Variants in DBX2 observed in about 807,000 individuals in gnomAD.
The protein encoded by DBX2 is developing brain homeobox 2, also known as homeobox protein DBX2.
A neutral mutation model predicts 17.7 loss-of-function variants in DBX2; 16 were observed. The ratio of observed to expected loss-of-function variants is 0.90; its 90% CI spans 0.61 to 1.37. The LOEUF (loss-of-function observed/expected upper bound fraction) is 1.37, where lower values mean the gene tolerates loss of function less well. DBX2 is among the 40% of genes most tolerant of loss of function. The pLI, the probability that DBX2 is intolerant of heterozygous loss-of-function variation, is 0.00. For synonymous variants in DBX2, 255 were observed against 183.8 expected (o/e 1.39, Z -3.13); for missense variants, 538 against 433.8 (o/e 1.24, Z -2.13).
intron 1 of DBX2, among the ~76,000 whole-genome samples, chr12:45,047,331 A>G (rs1457310810): frequency 6.6e-6 from 1 of 152,128 alleles, no homozygotes. Flanking sequence ...CTATAATACA[A>G]CCATGACATT....
chr12:45,034,315 T>G (rs1946424136), intron 2 of DBX2, among the ~76,000 whole-genome samples: 1 of 152,168 alleles, frequency 6.6e-6, no homozygotes, highest in South Asian at 2.1e-4. Context: ...ACTGAAGACT[T>G]AATTCCACAG....
At chr12:45,039,319 A>ATATATC (rs1565585253) in intron 1 of DBX2, among the ~76,000 whole-genome samples, 2 of 109,412 alleles carry the variant, frequency 1.8e-5, no homozygotes, top group East Asian at 4.7e-4. Context: ...ATATATATAT[A>ATATATC]TATGTATCAC....
At chr12:45,039,834 C>G (rs1946461818) in intron 1 of DBX2, among the ~76,000 whole-genome samples, 1 of 151,848 alleles carries the variant, frequency 6.6e-6, no homozygotes, top group Admixed American at 6.6e-5. Flanking sequence ...TCAGTAAGAG[C>G]TAGACCCTGG....
At chr12:45,028,085 G>A (rs986349760) in intron 2 of DBX2, among the ~76,000 whole-genome samples, 6 of 152,152 alleles carry the variant, frequency 3.9e-5, no homozygotes, top group Admixed American at 2.0e-4. Flanking sequence ...AGGTAGAGTC[G>A]AGGGATTAGC....
At chr12:45,049,508 T>C (rs760026276) in intron 1 of DBX2, among the ~76,000 whole-genome samples, 6 of 152,174 alleles carry the variant, frequency 3.9e-5, no homozygotes, top group Non-Finnish European at 8.8e-5. Context: ...CCAAGACAGG[T>C]TCTAAACATG....
At position 45,050,884 on chromosome 12, in the gene DBX2, T is replaced by G. The variant is rs1321217510; in HGVS notation, c.44A>C (p.Asp15Ala). Residue 15 changes from aspartate (D) to alanine (A), a missense_variant, in exon 1 of 4, where the codon GAC (aspartate) becomes GCC (alanine). Asp to Ala is a moderately radical substitution (Grantham distance 126). Transcript: ENST00000332700. ...GAGGAGCGCGGAGGAAGCCACAACG[T>G]CCCAGTACGCACCGGCGTGGGCTGC... ...AVAAHAGAYW[D>A]VVASSALLNL... 4 of 1,525,924 alleles carry G rather than the reference T, an allele frequency of 2.6e-6. No homozygotes were observed. In the South Asian group the frequency reaches 3.7e-5, roughly 14 times the overall value. 94.5% of individuals were successfully genotyped at this position (1,525,924 alleles called of 1,614,324 possible).
Position 45,023,858 on chromosome 12 carries a change from G to A in DBX2, c.536C>T (p.Ser179Phe), listed in dbSNP as rs73275596. 1 of 1,595,578 alleles carries A rather than the reference G, an allele frequency of 6.3e-7. No homozygotes were observed. Among genetic ancestry groups the A allele is most frequent in the South Asian group, 1.1e-5 (1 of 87,018 alleles). ...ESMLPLLTQDSNSKARRGILR... is the reference protein window; with the variant it reads ...ESMLPLLTQDFNSKARRGILR... ...AATGCCCCTCCGAGCTTTGGAATTAGAGTCCTGTGTCAGGAGAGGCAGCAT... is the reference window on the plus strand; with the variant it reads ...AATGCCCCTCCGAGCTTTGGAATTAAAGTCCTGTGTCAGGAGAGGCAGCAT... The change falls in exon 3 of 4, where the codon TCT becomes TTT. Residue 179 changes from serine (S) to phenylalanine (F), a missense_variant. Physicochemically the swap from Ser to Phe is radical, Grantham distance 155. Transcript: ENST00000332700.
intron 1 of DBX2, among the ~76,000 whole-genome samples, chr12:45,044,703 G>A (rs1034091025): frequency 3.3e-5 from 5 of 151,936 alleles, no homozygotes; most frequent in African/African-American, 1.2e-4. Flanking sequence ...ACTCCTATAG[G>A]CTTTTTGATC....
intron 3 of DBX2, among the ~76,000 whole-genome samples, chr12:45,022,671 C>T (rs1190286146): frequency 6.6e-6 from 1 of 152,120 alleles, no homozygotes; most frequent in African/African-American, 2.4e-5. Flanking sequence ...AACAGTAGAG[C>T]ATGGTGGTTT....
At chr12:45,021,340 A>G (rs1426374111) in intron 3 of DBX2, among the ~76,000 whole-genome samples, 1 of 152,210 alleles carries the variant, frequency 6.6e-6, no homozygotes, top group Non-Finnish European at 1.5e-5. Context: ...GATGGCAAAC[A>G]AATAGGAAAA....
intron 3 of DBX2, among the ~76,000 whole-genome samples, chr12:45,019,194 AC>A (rs1315908128): frequency 6.6e-6 from 1 of 152,066 alleles, no homozygotes; most frequent in Non-Finnish European, 1.5e-5. Context: ...CTTAGAAAGG[AC>A]TTTTGCAACA....
Position 45,050,638 on chromosome 12 carries a change from G to C in DBX2, c.290C>G (p.Ala97Gly), listed in dbSNP as rs1441429287. ...AAAAGCCCACCGCGTTCCGTAGGGCGCCCCGGCGGGGCTAACTTGTTCGGC... is the reference window on the plus strand; with the variant it reads ...AAAAGCCCACCGCGTTCCGTAGGGCCCCCCGGCGGGGCTAACTTGTTCGGC... ...PAAEQVSPAGAPYGTRWAFQV... is the reference protein window; with the variant it reads ...PAAEQVSPAGGPYGTRWAFQV... Residue 97 changes from alanine (A) to glycine (G), a missense_variant, in exon 1 of 4, where the codon GCG (alanine) becomes GGG (glycine). Transcript: ENST00000332700. 6.5e-7 allele frequency: 1 copy of C among 1,549,940 alleles called. No individual in the cohort carries two copies. The highest frequency in any genetic ancestry group is 1.2e-5 in the South Asian group (1 of 84,086).
chr12:45,019,019 T>G (rs901444829), intron 3 of DBX2, among the ~76,000 whole-genome samples: 1 of 151,924 alleles, frequency 6.6e-6, no homozygotes, highest in Non-Finnish European at 1.5e-5. Context: ...GTTTAATGGA[T>G]AGAGTTTCAG....
At chr12:45,023,059 G>C (rs1372296671) in intron 3 of DBX2, among the ~76,000 whole-genome samples, 1 of 152,158 alleles carries the variant, frequency 6.6e-6, no homozygotes, top group Non-Finnish European at 1.5e-5. Flanking sequence ...AGTGCCTTAT[G>C]ATATTATTTG....
intron 1 of DBX2, among the ~76,000 whole-genome samples, chr12:45,039,084 G>A (rs917697497): frequency 4.0e-5 from 6 of 150,588 alleles, no homozygotes; most frequent in Non-Finnish European, 8.9e-5. Flanking sequence ...GTCAATTCCT[G>A]ATTGCTATAC....
At chr12:45,046,604 G>T (rs183565700) in intron 1 of DBX2, among the ~76,000 whole-genome samples, 1 of 152,244 alleles carries the variant, frequency 6.6e-6, no homozygotes, top group East Asian at 1.9e-4. Flanking sequence ...TCTCCCTTGC[G>T]TAGGTGCCTA....
rs979408201 is a variant in DBX2, at chr12:45,050,768, G to C, written c.160C>G (p.Leu54Val). Residue 54 changes from leucine (L) to valine (V), a missense_variant, in exon 1 of 4, where the codon CTG becomes GTG. Leu to Val is a conservative substitution (Grantham distance 32). Coordinates refer to ENST00000332700, the MANE Select transcript of DBX2 (RefSeq NM_001004329.3). ...GGGTCGTGGGGCGCGGGCGGCTGCA[G>C]CCTGGGCGTTGGGGCGCCCCCGACC... The part of the protein sequence containing the change: ...LRVGGAPTPR[L>V]QPPAPHDPAT... 7 of 1,510,558 alleles carry C rather than the reference G, an allele frequency of 4.6e-6. No homozygotes were observed. The highest frequency in any genetic ancestry group is 6.2e-6 in the Non-Finnish European group (7 of 1,130,866). 93.6% of individuals were successfully genotyped at this position (1,510,558 alleles called of 1,614,324 possible).
chr12:45,023,037 T>G (rs1021101467), intron 3 of DBX2, among the ~76,000 whole-genome samples: 1 of 152,192 alleles, frequency 6.6e-6, no homozygotes, highest in African/African-American at 2.4e-5. Flanking sequence ...GAGGGTTAAA[T>G]AGGAAACTCC....
intron 1 of DBX2, among the ~76,000 whole-genome samples, chr12:45,045,275 C>T (rs192448923): frequency 2.0e-5 from 3 of 152,306 alleles, no homozygotes; most frequent in Non-Finnish European, 2.9e-5. Context: ...AGAGCTTCTT[C>T]TAACCGAAAA....
Sources: allele counts gnomAD v4.1 joint callset (sites outside exome capture counted in the v4.1 genomes callset), GRCh38; gene constraint gnomAD v4.1.1; transcripts MANE v1.5; gene names NCBI Gene and HGNC (gene_info 2026-07-23, HGNC 2026-07-21).